The following MTDH variants were observed in gnomAD, a reference collection of about 807,000 sequenced individuals.
The protein encoded by MTDH is metadherin.
MTDH carries 34 observed loss-of-function variants against 72.7 expected under a neutral mutation model. The observed-to-expected ratio is 0.47, with a 90% CI of 0.36 to 0.62. The LOEUF (loss-of-function observed/expected upper bound fraction) is 0.62, where lower values mean the gene tolerates loss of function less well. Among genes scored for constraint, MTDH ranks in the 20% least tolerant of loss-of-function variants. The probability of loss-of-function intolerance (pLI) is 0.00; values close to 1 mark genes in which losing one functional copy is unlikely to be tolerated. For missense variants in MTDH, 677 were observed against 699.4 expected (o/e 0.97, Z 0.36); for synonymous variants, 266 against 268.9 (o/e 0.99, Z 0.10).
chr8:97,726,410 A>G lies in MTDH; in HGVS notation c.*1740A>G, dbSNP rs1815351857. On this transcript the variant is annotated 3_prime_UTR_variant, in exon 12 of 12. Coordinates refer to ENST00000336273, the MANE Select transcript of MTDH (RefSeq NM_178812.4). The stretch of plus-strand genomic sequence containing the variant: ...AATGACTTTATTCTGTTAGCTTTAC[A>G]TAGGTGTTGGAGGATTCCTAAGGTG... The G allele has an allele frequency of 6.6e-6, 1 of 152,408 alleles. No homozygotes were observed. Among genetic ancestry groups the G allele is most frequent in the South Asian group, 2.1e-4 (1 of 4,832 alleles). 9.4% of individuals were successfully genotyped at this position (152,408 alleles called of 1,614,324 possible).
rs759495864 is a variant in MTDH, at chr8:97,690,922, T to C, written c.812-30T>C. On this transcript the variant is annotated intron_variant, in intron 5 of 11. Coordinates refer to ENST00000336273, the MANE Select transcript of MTDH (RefSeq NM_178812.4). ...CCAGTTTTAAGAAGTCATGTACCTG[T>C]TTTTTAATATTCATTTTCTTTTCTT... 2.0e-6 allele frequency: 3 copies of C among 1,517,226 alleles called. No homozygotes were observed. In the African/African-American group the frequency reaches 4.2e-5, roughly 21 times the overall value. 94.0% of individuals were successfully genotyped at this position (1,517,226 alleles called of 1,614,324 possible).
At chr8:97,691,257 A>C in intron 6 of MTDH, 69 bp downstream of exon 6, 1 of 1,139,776 alleles carries the variant, frequency 8.8e-7, no homozygotes, top group African/African-American at 1.6e-5. Flanking sequence ...ATTTTTCAGA[A>C]ATAGAAAAAA....
At position 97,726,437 on chromosome 8, in the gene MTDH, C is replaced by G. The variant is rs898401985; in HGVS notation, c.*1767C>G. The G allele has an allele frequency of 2.0e-5, 3 of 152,202 alleles. No individual in the cohort carries two copies. The highest frequency in any genetic ancestry group is 2.0e-4 in the Admixed American group (3 of 15,272). The allele number at this position is 152,202 out of a possible 1,614,324, so 9.4% of individuals were successfully genotyped here. A position where few individuals can be genotyped will look rare whatever the true frequency, so the allele number is the denominator to read the frequency against. On this transcript the variant is annotated 3_prime_UTR_variant, in exon 12 of 12. Coordinates refer to ENST00000336273, the MANE Select transcript of MTDH (RefSeq NM_178812.4). ...AGGTGTTGGAGGATTCCTAAGGTGT[C>G]AGCATTTTGTAAAGGTACCACAAAG...
At chr8:97,644,992 G>A in intron 1 of MTDH, 105 bp downstream of exon 1, 1 of 1,328,580 alleles carries the variant, frequency 7.5e-7, no homozygotes, top group Non-Finnish European at 9.9e-7. Context: ...AGAGTGCTTA[G>A]TCGAAAGCCG....
rs114065570 is a variant in MTDH at position 97,659,788 on chromosome 8, G to A, written c.382-1284G>A. On this transcript the variant is annotated intron_variant, in intron 1 of 11. Coordinates refer to ENST00000336273, the MANE Select transcript of MTDH (RefSeq NM_178812.4). Reference sequence around the variant, plus strand: ...AAGATGTTGTAGGATCCAGAAAGACGGTTAGAGTACAGATACCTAGGCCCC... The same window carrying A: ...AAGATGTTGTAGGATCCAGAAAGACAGTTAGAGTACAGATACCTAGGCCCC... Among the ~76,000 whole-genome samples the A allele has an allele frequency of 1.5e-3, 223 of 152,284 alleles. 1 individual carries two copies. The highest frequency in any genetic ancestry group is 5.2e-3 in the African/African-American group (216 of 41,564).
At chr8:97,649,819 G>T (rs979296715) in intron 1 of MTDH, among the ~76,000 whole-genome samples, 1 of 152,092 alleles carries the variant, frequency 6.6e-6, no homozygotes, top group African/African-American at 2.4e-5. Flanking sequence ...CCCACGCATG[G>T]ACTCAAACTC....
At position 97,713,162 on chromosome 8, in the gene MTDH, GC is replaced by G. The variant is rs1164219113; in HGVS notation, c.1273-499del. Among the ~76,000 whole-genome samples, 5 of 152,232 alleles carry G rather than the reference GC, an allele frequency of 3.3e-5. No homozygotes were observed. In the East Asian group the frequency reaches 9.6e-4, roughly 29 times the overall value. Reference sequence around the variant, plus strand: ...TGCAGTGGAGTGATTTCGGCTCACTGCAAGCTCCGCCTCCTGGGTTCACGCC... The same window carrying G: ...TGCAGTGGAGTGATTTCGGCTCACTGAAGCTCCGCCTCCTGGGTTCACGCC... On this transcript the variant is annotated intron_variant, in intron 8 of 11. Transcript: ENST00000336273.
intron 1 of MTDH, among the ~76,000 whole-genome samples, chr8:97,648,264 T>TC (rs1201013727): frequency 6.6e-6 from 1 of 151,918 alleles, no homozygotes; most frequent in African/African-American, 2.4e-5. Flanking sequence ...TTTTTTCTTT[T>TC]CCCCCCCACC....
intron 2 of MTDH, among the ~76,000 whole-genome samples, chr8:97,682,816 T>TA (rs1339690404): frequency 6.6e-6 from 1 of 152,006 alleles, no homozygotes; most frequent in Admixed American, 6.6e-5. Flanking sequence ...TTTGTTTTAA[T>TA]TCTTAAAATA....
At chr8:97,697,586 C>T (rs1190776612) in intron 6 of MTDH, among the ~76,000 whole-genome samples, 1 of 151,958 alleles carries the variant, frequency 6.6e-6, no homozygotes, top group Non-Finnish European at 1.5e-5. Context: ...AGTGTTTTAC[C>T]GTGTTAGCCA....
intron 2 of MTDH, among the ~76,000 whole-genome samples, chr8:97,677,180 C>CAAAAAAAAA (rs71271142): frequency 2.3e-5 from 1 of 44,108 alleles, no homozygotes; most frequent in African/African-American, 1.1e-4. Flanking sequence ...AAGCCTGTCT[C>CAAAAAAAAA]AAAAAAAAAA....
intron 1 of MTDH, among the ~76,000 whole-genome samples, chr8:97,655,386 C>T (rs1161231086): frequency 6.6e-6 from 1 of 152,138 alleles, no homozygotes; most frequent in Non-Finnish European, 1.5e-5. Flanking sequence ...TGGAAAACAG[C>T]AGTTTTTTAA....
chr8:97,683,517 T>C (rs576774746), intron 2 of MTDH, among the ~76,000 whole-genome samples: 1 of 151,356 alleles, frequency 6.6e-6, no homozygotes, highest in Non-Finnish European at 1.5e-5. Context: ...CACCTCAGCC[T>C]CCCAAGTAGC....
At chr8:97,693,205 T>A (rs570434542) in intron 6 of MTDH, among the ~76,000 whole-genome samples, 1 of 152,316 alleles carries the variant, frequency 6.6e-6, no homozygotes, top group East Asian at 1.9e-4. Flanking sequence ...CTTACCAAGG[T>A]TGGGGATTTT....
chr8:97,667,322 C>G (rs1464892694), intron 2 of MTDH, among the ~76,000 whole-genome samples: 1 of 152,180 alleles, frequency 6.6e-6, no homozygotes, highest in Non-Finnish European at 1.5e-5. Context: ...ATGCTAGTTT[C>G]ACTTGAGTGT....
chr8:97,719,300 CT>C, intron 10 of MTDH, 111 bp downstream of exon 10: 4 of 1,115,400 alleles, frequency 3.6e-6, no homozygotes, highest in Non-Finnish European at 5.1e-6. Context: ...CAAGAGCAGC[CT>C]GGCCAACATA....
At chr8:97,669,175 G>T (rs549452712) in intron 2 of MTDH, among the ~76,000 whole-genome samples, 1 of 152,160 alleles carries the variant, frequency 6.6e-6, no homozygotes, top group African/African-American at 2.4e-5. Context: ...TTGAGACGGA[G>T]TCTCGCTCTG....
chr8:97,652,425 G>A (rs2468024), intron 1 of MTDH, among the ~76,000 whole-genome samples: 14,187 of 152,124 alleles, frequency 0.093, 921 homozygotes, highest in East Asian at 0.25. Context: ...ATCCTTTCCT[G>A]ATCACCCTAT....
At chr8:97,680,233 C>G (rs1235300656) in intron 2 of MTDH, among the ~76,000 whole-genome samples, 1 of 152,084 alleles carries the variant, frequency 6.6e-6, no homozygotes, top group Non-Finnish European at 1.5e-5. Flanking sequence ...CCACCATGCC[C>G]AGCTAATTTT....
Sources: allele counts gnomAD v4.1 joint callset (sites outside exome capture counted in the v4.1 genomes callset), GRCh38; gene constraint gnomAD v4.1.1; transcripts MANE v1.5; gene names NCBI Gene and HGNC (gene_info 2026-07-23, HGNC 2026-07-21).